ERBB2: variants seen among roughly 807,000 people sequenced by gnomAD.
ERBB2 encodes erb-b2 receptor tyrosine kinase 2.
Under a neutral mutation model 149.0 loss-of-function variants are expected in ERBB2, and 61 were observed. The observed-to-expected ratio is 0.41, with a 90% CI of 0.33 to 0.51. The LOEUF (loss-of-function observed/expected upper bound fraction) is 0.51. Among genes scored for constraint, ERBB2 ranks in the 20% least tolerant of loss-of-function variants. The pLI is 0.25. For missense variants in ERBB2, 1,205 were observed against 1,655.1 expected, an observed-to-expected ratio of 0.73 and a Z score of 4.72; for synonymous variants, 633 against 678.8, an observed-to-expected ratio of 0.93 and a Z score of 1.05.
intron 15 of ERBB2, among the ~76,000 whole-genome samples, chr17:39,719,124 G>T: frequency 6.6e-6 from 1 of 152,146 alleles, no homozygotes; most frequent in East Asian, 1.9e-4. Flanking sequence ...AGCCAGGCGT[G>T]GTGGTGGGCG....
chr17:39,706,592 TATCCAGAAGATTCATG>T (rs1466335700), intron 1 of ERBB2, among the ~76,000 whole-genome samples: 1 of 151,876 alleles, frequency 6.6e-6, no homozygotes, highest in Admixed American at 6.6e-5. Flanking sequence ...GGGCAGGGGG[TATCCAGAAGATTCATG>T]ATTCGTCATC....
At position 39,700,279 on chromosome 17, in the gene ERBB2, C is replaced by T. The variant is rs1293505485; in HGVS notation, c.41C>T (p.Ala14Val). The change falls in exon 1 of 27, where the codon GCC (alanine) becomes GTC (valine). Residue 14 changes from alanine (A) to valine (V), a missense_variant. Around this residue, in one of 6 missense-constraint regions of ERBB2, gnomAD observed 101 missense variants for 95.1 expected, o/e 1.06. Transcript: ENST00000269571. ...AALCRWGLLLALLPPGAASTQ... is the reference protein window; with the variant it reads ...AALCRWGLLLVLLPPGAASTQ... ...TTGTGCCGCTGGGGGCTCCTCCTCG[C>T]CCTCTTGCCCCCCGGAGCCGCGAGC... 5 of 1,432,734 alleles carry T rather than the reference C, an allele frequency of 3.5e-6. No individual in the cohort carries two copies. In the South Asian group the frequency reaches 5.7e-5, roughly 16 times the overall value. 88.8% of individuals were successfully genotyped at this position (1,432,734 alleles called of 1,614,324 possible). A position where few individuals can be genotyped will look rare whatever the true frequency, so the allele number is the denominator to read the frequency against.
chr17:39,725,562 A>G lies in ERBB2; in HGVS notation c.2726-145A>G. ...CAGGGTCTGTGCACTTCCCAGGATT[A>G]GGGAAAGACCGGGTAGGGTCTGTCT... On this transcript the variant is annotated intron_variant, in intron 22 of 26. Coordinates refer to ENST00000269571, the MANE Select transcript of ERBB2 (RefSeq NM_004448.4). The surrounding 1 kb of genome is among the most constrained non-coding windows in gnomAD (Gnocchi z 4.6). The G allele has an allele frequency of 8.4e-7, 1 of 1,195,868 alleles. No homozygotes were observed. The highest frequency in any genetic ancestry group is 1.2e-6 in the Non-Finnish European group (1 of 843,022). The allele number at this position is 1,195,868 out of a possible 1,614,324, so 74.1% of individuals were successfully genotyped here. A position where few individuals can be genotyped will look rare whatever the true frequency, so the allele number is the denominator to read the frequency against.
At position 39,724,712 on chromosome 17, in the gene ERBB2, A is replaced by T; in HGVS notation, c.2308-14A>T. The T allele has an allele frequency of 6.2e-7, 1 of 1,613,192 alleles. No individual in the cohort carries two copies. The highest frequency in any genetic ancestry group is 2.2e-5 in the East Asian group (1 of 44,852). On this transcript the variant is annotated splice_polypyrimidine_tract_variant and intron_variant, in intron 19 of 26. Transcript: ENST00000269571. ...GTGGTCTCCCATACCCTCTCAGCGT[A>T]CCCTTGTCCCCAGGAAGCATACGTG... is the stretch of plus-strand genomic sequence containing the variant.
At chr17:39,721,103 C>T (rs752285770) in intron 16 of ERBB2, among the ~76,000 whole-genome samples, 14 of 152,042 alleles carry the variant, frequency 9.2e-5, no homozygotes, top group African/African-American at 1.9e-4. Context: ...CGTGCCACCA[C>T]GCCTGGGTAA....
upstream of ERBB2, among the ~76,000 whole-genome samples, chr17:39,694,303 G>GTGTATATATA (rs1555612057): frequency 1.3e-5 from 1 of 75,764 alleles, no homozygotes; most frequent in Non-Finnish European, 2.5e-5. Context: ...ATATATATGT[G>GTGTATATATA]TATATATATA....
At chr17:39,694,388 C>G (rs1290302275), upstream of ERBB2, among the ~76,000 whole-genome samples, 1 of 147,368 alleles carries the variant, frequency 6.8e-6, no homozygotes, top group African/African-American at 2.5e-5. Flanking sequence ...GCTGCTGTTG[C>G]TGCGGGGAGA....
At position 39,725,370 on chromosome 17, in the gene ERBB2, G is replaced by A. The variant is rs910494571; in HGVS notation, c.2693G>A (p.Arg898Gln). 5.6e-6 allele frequency: 9 copies of A among 1,613,930 alleles called. No homozygotes were observed. The highest frequency in any genetic ancestry group is 1.3e-5 in the African/African-American group (1 of 74,862). Residue 898 changes from arginine to glutamine, a missense_variant, in exon 22 of 27, where the codon CGG becomes CAG. By Grantham distance (43) the Arg-to-Gln change is conservative (BLOSUM62 1). Coordinates refer to ENST00000269571, the MANE Select transcript of ERBB2 (RefSeq NM_004448.4). The surrounding 1 kb of genome is among the most constrained non-coding windows in gnomAD (Gnocchi z 4.6). Reference sequence around the variant, plus strand: ...GCGCTGGAGTCCATTCTCCGCCGGCGGTTCACCCACCAGAGTGATGTGTGG... The same window carrying A: ...GCGCTGGAGTCCATTCTCCGCCGGCAGTTCACCCACCAGAGTGATGTGTGG... ...WMALESILRR[R>Q]FTHQSDVWSY...
chr17:39,694,086 C>T (rs1475128252), upstream of ERBB2, among the ~76,000 whole-genome samples: 3 of 144,508 alleles, frequency 2.1e-5, no homozygotes, highest in East Asian at 4.1e-4. Flanking sequence ...ACCAGCTACT[C>T]GGAAGGCTGA....
intron 4 of ERBB2, 38 bp from the exon 5 acceptor site, chr17:39,709,775 A>G (rs746757008): frequency 1.3e-5 from 20 of 1,582,128 alleles, no homozygotes; most frequent in Non-Finnish European, 1.7e-5. Context: ...TCGCTGTTAG[A>G]CATCTCTCTC....
intron 8 of ERBB2, 100 bp downstream of exon 8, chr17:39,712,147 G>C: frequency 6.4e-7 from 1 of 1,573,042 alleles, no homozygotes; most frequent in Non-Finnish European, 8.7e-7. Context: ...AGACCCTCTT[G>C]GGACCTAGTC....
chr17:39,724,126 C>G, intron 19 of ERBB2, 116 bp downstream of exon 19: 1 of 707,002 alleles, frequency 1.4e-6, no homozygotes, highest in Non-Finnish European at 2.3e-6. Flanking sequence ...CAAACCTAGA[C>G]TATTTTTTTG....
At chr17:39,696,117 A>T (rs1217611830), upstream of ERBB2, among the ~76,000 whole-genome samples, 1 of 150,702 alleles carries the variant, frequency 6.6e-6, no homozygotes, top group Non-Finnish European at 1.5e-5. Flanking sequence ...CTCTCCTGCC[A>T]GGCCCTGCTG....
intron 1 of ERBB2, among the ~76,000 whole-genome samples, chr17:39,703,810 C>A (rs1176456101): frequency 6.6e-6 from 1 of 152,254 alleles, no homozygotes; most frequent in Non-Finnish European, 1.5e-5. Flanking sequence ...CCCAGTGTCA[C>A]TTGAATGGGC....
chr17:39,720,036 G>A, intron 16 of ERBB2: 3 of 585,450 alleles, frequency 5.1e-6, no homozygotes, highest in Non-Finnish European at 9.3e-6. Flanking sequence ...TGCAAGGAAA[G>A]ATGGCTAGGA....
At chr17:39,699,066 G>T (rs1022847770), upstream of ERBB2, among the ~76,000 whole-genome samples, 7 of 152,134 alleles carry the variant, frequency 4.6e-5, no homozygotes, top group Non-Finnish European at 1.0e-4. Flanking sequence ...AATTAAGCAG[G>T]CTAATAGAAG....
At position 39,715,891 on chromosome 17, in the gene ERBB2, C is replaced by T. The variant is rs987507136; in HGVS notation, c.1465C>T (p.Pro489Ser). 2.5e-6 allele frequency: 4 copies of T among 1,612,348 alleles called. No homozygotes were observed. Among genetic ancestry groups the T allele is most frequent in the Non-Finnish European group, 3.4e-6 (4 of 1,180,022 alleles). The change falls in exon 12 of 27, where the codon CCG becomes TCG. Residue 489 changes from proline to serine, a missense_variant. Coordinates refer to ENST00000269571, the MANE Select transcript of ERBB2 (RefSeq NM_004448.4). ...GCCCTGGGACCAGCTCTTTCGGAAC[C>T]CGCACCAAGCTCTGCTCCACACTGC... The part of the protein sequence containing the change: ...TVPWDQLFRN[P>S]HQALLHTANR...
Position 39,707,160 on chromosome 17 carries a change from C to G in ERBB2, c.225+19C>G, listed in dbSNP as rs2145412826. 1 of 1,533,874 alleles carries G rather than the reference C, an allele frequency of 6.5e-7. No homozygotes were observed. The highest frequency in any genetic ancestry group is 8.8e-7 in the Non-Finnish European group (1 of 1,135,720). On this transcript the variant is annotated intron_variant, in intron 2 of 26. Transcript: ENST00000269571. ...CCTGCAGGTGAGGCCCGTGGGCAAC[C>G]CAGCCAGGCCCTGCCTCCAGCTGGG...
chr17:39,694,288 TAC>T (rs1248015899), upstream of ERBB2, among the ~76,000 whole-genome samples: 7 of 60,730 alleles, frequency 1.2e-4, no homozygotes, highest in Non-Finnish European at 1.6e-4. Context: ...TATATATATA[TAC>T]ACATATATAT....
Sources: gnomAD v4.1 joint callset for allele counts (sites outside exome capture counted in the v4.1 genomes callset) on GRCh38, gnomAD v4.1.1 for gene constraint, gnomAD v4.1.1 regional missense constraint, Gnocchi (gnomAD v3.1) non-coding constraint, MANE v1.5 for transcripts, NCBI Gene and HGNC (gene_info 2026-07-23, HGNC 2026-07-21) for gene names.